IRX2: variants seen among roughly 807,000 people sequenced by gnomAD.
The protein encoded by IRX2 is iroquois-class homeodomain protein IRX-2.
In IRX2, 26 loss-of-function variants were observed where a neutral mutation model predicts 42.9. The ratio of observed to expected loss-of-function variants is 0.61; its 90% CI spans 0.44 to 0.84. The LOEUF (loss-of-function observed/expected upper bound fraction) is 0.84, where lower values mean the gene tolerates loss of function less well. Among genes scored for constraint, IRX2 ranks in the 40% least tolerant of loss-of-function variants. IRX2 has a pLI of 0.00. For synonymous variants in IRX2, 424 were observed against 353.9 expected, an observed-to-expected ratio of 1.20 and a Z score of -2.22; for missense variants, 782 against 713.9, an observed-to-expected ratio of 1.10 and a Z score of -1.09.
At chr5:2,736,253 C>G in the IRX2 span, among the ~76,000 whole-genome samples, 119 of 152,312 alleles carry the variant, frequency 7.8e-4, no homozygotes, top group African/African-American at 2.8e-3. Context: ...TCCACTGGGC[C>G]CTGGTGAAGC....
At chr5:2,741,580 A>G (rs1006387326), downstream of IRX2, among the ~76,000 whole-genome samples, 2 of 152,244 alleles carry the variant, frequency 1.3e-5, no homozygotes, top group Non-Finnish European at 2.9e-5. Flanking sequence ...TAAATGAAAA[A>G]AAAATTCCCT....
downstream of IRX2, among the ~76,000 whole-genome samples, chr5:2,744,369 CTA>C (rs1278014870): frequency 6.6e-6 from 1 of 152,114 alleles, no homozygotes; most frequent in Non-Finnish European, 1.5e-5. Context: ...TCCAATTACT[CTA>C]GTTATAACAT....
the IRX2 span, among the ~76,000 whole-genome samples, chr5:2,740,267 C>A: frequency 6.6e-6 from 1 of 151,990 alleles, no homozygotes; most frequent in Non-Finnish European, 1.5e-5. Context: ...TTTCCAGGTG[C>A]GCCTCGGCCC....
Position 2,751,134 on chromosome 5 carries a change from G to C in IRX2, c.249+31C>G, listed in dbSNP as rs976715302. The stretch of plus-strand genomic sequence containing the variant: ...AGCCCCGTCTGGGTCCCGGCGCCCA[G>C]GAGTCCCGCGTCCCGCCCGCGCCCG... On this transcript the variant is annotated intron_variant, in intron 1 of 3. Coordinates refer to ENST00000302057, the MANE Select transcript of IRX2 (RefSeq NM_033267.5). The surrounding 1 kb of genome is among the most constrained non-coding windows in gnomAD (Gnocchi z 4.0). 3.3e-6 allele frequency: 4 copies of C among 1,227,622 alleles called. No individual in the cohort carries two copies. In the African/African-American group the frequency reaches 4.8e-5, roughly 15 times the overall value. The allele number at this position is 1,227,622 out of a possible 1,614,324, so 76.0% of individuals were successfully genotyped here. A position where few individuals can be genotyped will look rare whatever the true frequency, so the allele number is the denominator to read the frequency against.
rs967904308 is a variant in IRX2, at chr5:2,746,263, C to T, written c.*1301G>A. On this transcript the variant is annotated 3_prime_UTR_variant, in exon 4 of 4. Transcript: ENST00000302057. Reference sequence around the variant, plus strand: ...CAAAGATTGTATAACCAGCAATGTTCAAATAAAAACCAGGCAGAATTTATT... The same window carrying T: ...CAAAGATTGTATAACCAGCAATGTTTAAATAAAAACCAGGCAGAATTTATT... 1 of 152,078 alleles carries T rather than the reference C, an allele frequency of 6.6e-6. No individual in the cohort carries two copies. Among genetic ancestry groups the T allele is most frequent in the African/African-American group, 2.4e-5 (1 of 41,430 alleles). The allele number at this position is 152,078 out of a possible 1,614,324, so 9.4% of individuals were successfully genotyped here.
Position 2,748,738 on chromosome 5 carries a change from CG to C in IRX2, c.969del (p.Ala324ProfsTer75). On this transcript the variant is annotated frameshift_variant, in exon 3 of 4. Transcript: ENST00000302057. LOFTEE classifies it high-confidence loss of function. ...GSRTSPGAPP[P>X]ASKPKLWSLA... Reference sequence around the variant, plus strand: ...AGCGACCACAGCTTGGGCTTGCTGGCGGGGGGCGGCGCGCCCGGAGACGTCC... The same window carrying C: ...AGCGACCACAGCTTGGGCTTGCTGGCGGGGGCGGCGCGCCCGGAGACGTCC... The C allele has an allele frequency of 1.2e-5, 16 of 1,367,268 alleles. No homozygotes were observed. Among genetic ancestry groups the C allele is most frequent in the Admixed American group, 1.0e-4 (3 of 29,076 alleles). The allele number at this position is 1,367,268 out of a possible 1,614,324, so 84.7% of individuals were successfully genotyped here. A position where few individuals can be genotyped will look rare whatever the true frequency, so the allele number is the denominator to read the frequency against.
Position 2,749,369 on chromosome 5 carries a change from G to T in IRX2, c.655+13C>A. 2.5e-6 allele frequency: 4 copies of T among 1,580,084 alleles called. No homozygotes were observed. Among genetic ancestry groups the T allele is most frequent in the Non-Finnish European group, 3.4e-6 (4 of 1,164,492 alleles). On this transcript the variant is annotated intron_variant, in intron 2 of 3. Coordinates refer to ENST00000302057, the MANE Select transcript of IRX2 (RefSeq NM_033267.5). Reference sequence around the variant, plus strand: ...AGCGCCCCGAGACCTTGCGCCGGCCGCTGCCCGCTCACCTTCGTCCTCTGC... The same window carrying T: ...AGCGCCCCGAGACCTTGCGCCGGCCTCTGCCCGCTCACCTTCGTCCTCTGC...
downstream of IRX2, among the ~76,000 whole-genome samples, chr5:2,743,272 C>A (rs1737581753): frequency 6.6e-6 from 1 of 152,126 alleles, no homozygotes; most frequent in Non-Finnish European, 1.5e-5. Flanking sequence ...GGATGAAGTT[C>A]TTTTCAAGTT....
Position 2,751,027 on chromosome 5 carries a change from C to T in IRX2, c.249+138G>A, listed in dbSNP as rs1405360529. On this transcript the variant is annotated intron_variant, in intron 1 of 3. Transcript: ENST00000302057. This position sits in a 1 kb window ranked among gnomAD's most constrained non-coding sequence, Gnocchi z 4.0. ...CCGGCTCAGCCTGCGGGGCGGCCAA[C>T]CGAGCCGGCGACTCCTGAGTCGCCA... 1.8e-5 allele frequency: 19 copies of T among 1,043,138 alleles called. No homozygotes were observed. In the African/African-American group the frequency reaches 2.7e-4, roughly 15 times the overall value. 64.6% of individuals were successfully genotyped at this position (1,043,138 alleles called of 1,614,324 possible).
At position 2,748,895 on chromosome 5, in the gene IRX2, C is replaced by CTCG. The variant is rs1235657143; in HGVS notation, c.810_812dup (p.Asp270dup). On this transcript the variant is annotated inframe_insertion, in exon 3 of 4. Transcript: ENST00000302057. ...GCGGCGCCAGGCCCCGCTCGCCCTCCTCGTCGTCGTCCTCGTCGTCCTCCA... is the reference window on the plus strand; with the variant it reads ...GCGGCGCCAGGCCCCGCTCGCCCTCCTCGTCGTCGTCGTCCTCGTCGTCCTCCA... 1.9e-6 allele frequency: 3 copies of CTCG among 1,595,900 alleles called. No homozygotes were observed. The highest frequency in any genetic ancestry group is 1.3e-5 in the African/African-American group (1 of 74,764).
chr5:2,743,102 C>T (rs1212129936), downstream of IRX2, among the ~76,000 whole-genome samples: 2 of 152,178 alleles, frequency 1.3e-5, no homozygotes, highest in Non-Finnish European at 1.5e-5. Flanking sequence ...CTCCCAACTC[C>T]AGAATGAGAT....
downstream of IRX2, among the ~76,000 whole-genome samples, chr5:2,745,444 T>A (rs189149619): frequency 6.6e-6 from 1 of 152,338 alleles, no homozygotes; most frequent in Admixed American, 6.5e-5. Context: ...CTTGCTACTT[T>A]TATGATACTA....
chr5:2,737,973 C>T, the IRX2 span, among the ~76,000 whole-genome samples: 1 of 152,230 alleles, frequency 6.6e-6, no homozygotes, highest in Non-Finnish European at 1.5e-5. Context: ...CCCACCTGTC[C>T]TGCCTGCTGA....
chr5:2,751,308 G>A lies in IRX2; in HGVS notation c.106C>T (p.Leu36=). The stretch of plus-strand genomic sequence containing the variant: ...GCCGAGCCCGACGCCGAGCGCGCCA[G>A]CTCCTCGCTGCGCGGAGCCGCCAAA... ...SALAAPRSEE[L]ARSASGSAFS... Residue 36 remains leucine, a synonymous_variant, in exon 1 of 4, where the codon CTG becomes TTG. Transcript: ENST00000302057. This position sits in a 1 kb window ranked among gnomAD's most constrained non-coding sequence, Gnocchi z 4.0. The A allele has an allele frequency of 7.0e-7, 1 of 1,436,608 alleles. No individual in the cohort carries two copies. The highest frequency in any genetic ancestry group is 3.2e-5 in the East Asian group (1 of 31,336). The allele number at this position is 1,436,608 out of a possible 1,614,324, so 89.0% of individuals were successfully genotyped here. A position where few individuals can be genotyped will look rare whatever the true frequency, so the allele number is the denominator to read the frequency against.
intron 1 of IRX2, among the ~76,000 whole-genome samples, chr5:2,750,382 GC>G (rs1737897663): frequency 6.6e-6 from 1 of 152,232 alleles, no homozygotes; most frequent in South Asian, 2.1e-4. Context: ...CTCGGTCGCT[GC>G]CCAGAAATTC....
Position 2,748,572 on chromosome 5 carries a change from C to T in IRX2, c.1136G>A (p.Gly379Asp), listed in dbSNP as rs199913763. ...GSPYPASPLL[G>D]RPLYYTSPFY... ...GGGCGACGTGTAGTAGAGGGGGCGGCCCAGCAGCGGCGAGGCAGGGTAGGG... is the reference window on the plus strand; with the variant it reads ...GGGCGACGTGTAGTAGAGGGGGCGGTCCAGCAGCGGCGAGGCAGGGTAGGG... Residue 379 changes from glycine (G) to aspartate (D), a missense_variant, in exon 3 of 4, where the codon GGC (glycine) becomes GAC (aspartate). Physicochemically the swap from Gly to Asp is moderately conservative, Grantham distance 94. Transcript: ENST00000302057. The T allele has an allele frequency of 1.6e-4, 245 of 1,563,164 alleles. No homozygotes were observed. Among genetic ancestry groups the T allele is most frequent in the Non-Finnish European group, 1.8e-4 (206 of 1,157,400 alleles).
At chr5:2,739,751 C>A in the IRX2 span, among the ~76,000 whole-genome samples, 1 of 152,296 alleles carries the variant, frequency 6.6e-6, no homozygotes, top group East Asian at 1.9e-4. Flanking sequence ...GAGCTGCGGG[C>A]CTGAGGCTGA....
the IRX2 span, among the ~76,000 whole-genome samples, chr5:2,739,868 G>A: frequency 6.6e-6 from 1 of 152,204 alleles, no homozygotes; most frequent in Admixed American, 6.5e-5. Flanking sequence ...CGGGGTCAGG[G>A]CGGGAGGAAC....
Position 2,751,555 on chromosome 5 carries a change from T to A in IRX2, c.-142A>T, listed in dbSNP as rs1357061813. 1.5e-5 allele frequency: 6 copies of A among 391,372 alleles called. No homozygotes were observed. Among genetic ancestry groups the A allele is most frequent in the Non-Finnish European group, 1.7e-5 (5 of 293,616 alleles). 24.2% of individuals were successfully genotyped at this position (391,372 alleles called of 1,614,324 possible). ...AGGCAGGCCGGCCCGGGTACTAGCC[T>A]GGGCGGCCCGCGGGCCGGGGCGGCG... On this transcript the variant is annotated 5_prime_UTR_variant, in exon 1 of 4. Coordinates refer to ENST00000302057, the MANE Select transcript of IRX2 (RefSeq NM_033267.5). This position sits in a 1 kb window ranked among gnomAD's most constrained non-coding sequence, Gnocchi z 4.0.
Sources: allele counts gnomAD v4.1 joint callset (sites outside exome capture counted in the v4.1 genomes callset), GRCh38; gene constraint gnomAD v4.1.1; non-coding constraint Gnocchi (gnomAD v3.1); transcripts MANE v1.5; gene names NCBI Gene and HGNC (gene_info 2026-07-23, HGNC 2026-07-21).